CRACD: variants seen among roughly 807,000 people sequenced by gnomAD.
CRACD encodes the protein capping protein inhibiting regulator of actin dynamics, also known as capping protein-inhibiting regulator of actin dynamics.
CRACD carries 56 observed loss-of-function variants against 106.8 expected under a neutral mutation model. The ratio of observed to expected loss-of-function variants is 0.52; its 90% CI spans 0.42 to 0.66. The LOEUF (loss-of-function observed/expected upper bound fraction) is 0.66. Ranked by LOEUF, CRACD falls within the 30% of genes least tolerant of loss-of-function variation. The pLI is 0.00. For missense variants in CRACD, 1,730 were observed against 1,623.2 expected, an observed-to-expected ratio of 1.07 and a Z score of -1.13; for synonymous variants, 754 against 670.8, an observed-to-expected ratio of 1.12 and a Z score of -1.92.
chr4:56,094,171 T>A (rs751833839), intron 1 of CRACD, among the ~76,000 whole-genome samples: 11 of 152,230 alleles, frequency 7.2e-5, no homozygotes, highest in Non-Finnish European at 1.3e-4. Context: ...CTATTCAAGA[T>A]GCAATGAAAA....
intron 1 of CRACD, among the ~76,000 whole-genome samples, chr4:56,139,484 C>G (rs1047357975): frequency 2.6e-5 from 4 of 152,188 alleles, no homozygotes; most frequent in African/African-American, 4.8e-5. Flanking sequence ...TTAAACCTTG[C>G]AACTGGCAAG....
intron 2 of CRACD, among the ~76,000 whole-genome samples, chr4:56,232,455 T>A (rs2169919): frequency 0.21 from 31,358 of 152,030 alleles, 3,717 homozygotes; most frequent in Non-Finnish European, 0.27. Context: ...TCTAGATGTC[T>A]TTCATTTTTG....
Position 56,072,018 on chromosome 4 carries a change from C to T in CRACD, c.-336+22719C>T, listed in dbSNP as rs529275817. On this transcript the variant is annotated intron_variant, in intron 1 of 10. Coordinates refer to ENST00000682029, the MANE Select transcript of CRACD (RefSeq NM_001393381.1). Reference sequence around the variant, plus strand: ...TGGCGGGCGCCTGTAGTCCCAGCTACGCGGGAGGCTGAGGCAGGAGAATGG... The same window carrying T: ...TGGCGGGCGCCTGTAGTCCCAGCTATGCGGGAGGCTGAGGCAGGAGAATGG... Among the ~76,000 whole-genome samples the T allele has an allele frequency of 7.1e-3, 1,079 of 151,262 alleles. 12 individuals carry two copies. The highest frequency in any genetic ancestry group is 0.024 in the African/African-American group (999 of 41,286).
chr4:56,208,704 C>G (rs1577741355), intron 2 of CRACD, among the ~76,000 whole-genome samples: 1 of 152,102 alleles, frequency 6.6e-6, no homozygotes, highest in South Asian at 2.1e-4. Flanking sequence ...GCTTCAGGGG[C>G]TCTCTGTAGT....
chr4:56,326,114 G>A lies in CRACD; in HGVS notation c.3542-1530G>A, dbSNP rs113090674. On this transcript the variant is annotated intron_variant, in intron 10 of 10. Transcript: ENST00000682029. ...TTTAGCAGAGACAGGGTTTCACCAT[G>A]TTGGCCAGGCTAATCTCGAACTCCT... Among the ~76,000 whole-genome samples the A allele has an allele frequency of 2.9e-4, 44 of 152,306 alleles. 1 individual carries two copies. The highest frequency in any genetic ancestry group is 9.4e-4 in the African/African-American group (39 of 41,572).
At chr4:56,108,557 A>G (rs1161450147) in intron 1 of CRACD, among the ~76,000 whole-genome samples, 1 of 152,134 alleles carries the variant, frequency 6.6e-6, no homozygotes, top group Non-Finnish European at 1.5e-5. Context: ...AAGAGAAAAC[A>G]ACTGGGCCCA....
chr4:56,252,409 C>T (rs1476675616), intron 2 of CRACD, among the ~76,000 whole-genome samples: 1 of 152,134 alleles, frequency 6.6e-6, no homozygotes, highest in Admixed American at 6.5e-5. Context: ...ATTAGGAAAA[C>T]TGTGAATTGT....
At chr4:56,072,127 CAAAA>C (rs531354263) in intron 1 of CRACD, among the ~76,000 whole-genome samples, 3 of 91,476 alleles carry the variant, frequency 3.3e-5, no homozygotes, top group Non-Finnish European at 4.4e-5. Flanking sequence ...GACTCCGTCT[CAAAA>C]AAAAAAAAAA....
intron 2 of CRACD, among the ~76,000 whole-genome samples, chr4:56,205,898 C>A (rs990503105): frequency 1.3e-5 from 2 of 152,126 alleles, no homozygotes; most frequent in Non-Finnish European, 1.5e-5. Flanking sequence ...CAGTATTCTA[C>A]CCATGGACTT....
At chr4:56,312,481 C>G (rs932978492) in intron 6 of CRACD, among the ~76,000 whole-genome samples, 1 of 152,142 alleles carries the variant, frequency 6.6e-6, no homozygotes, top group Non-Finnish European at 1.5e-5. Flanking sequence ...ACATTTTTGT[C>G]GATCAGGAAT....
chr4:56,160,791 G>T (rs1022411949), intron 1 of CRACD, among the ~76,000 whole-genome samples: 2 of 152,220 alleles, frequency 1.3e-5, no homozygotes, highest in Non-Finnish European at 2.9e-5. Context: ...GATAAACTCT[G>T]AGCCTGTTCA....
chr4:56,305,899 T>G (rs922872890), intron 4 of CRACD, among the ~76,000 whole-genome samples: 3 of 152,236 alleles, frequency 2.0e-5, no homozygotes, highest in African/African-American at 7.2e-5. Flanking sequence ...CAAGGGATTC[T>G]TGCGCCAGGG....
At chr4:56,133,901 A>G (rs2045982) in intron 1 of CRACD, among the ~76,000 whole-genome samples, 7,228 of 152,266 alleles carry the variant, frequency 0.047, 212 homozygotes, top group South Asian at 0.068. Context: ...GAAAGACTTC[A>G]TGAATAAGAA....
At chr4:56,093,576 C>G (rs1282728428) in intron 1 of CRACD, among the ~76,000 whole-genome samples, 1 of 152,166 alleles carries the variant, frequency 6.6e-6, no homozygotes, top group Non-Finnish European at 1.5e-5. Flanking sequence ...TAAAGGCTGT[C>G]ATCTTCTTCC....
At chr4:56,245,617 G>T (rs13123990) in intron 2 of CRACD, among the ~76,000 whole-genome samples, 39,402 of 152,078 alleles carry the variant, frequency 0.26, 5,862 homozygotes, top group Middle Eastern at 0.44. Context: ...AAGGAGTGTT[G>T]CACTATTTGT....
chr4:56,234,873 CAT>C (rs1344130990), intron 2 of CRACD, among the ~76,000 whole-genome samples: 2 of 152,072 alleles, frequency 1.3e-5, no homozygotes, highest in African/African-American at 4.8e-5. Flanking sequence ...AAGCTGAAAA[CAT>C]AGGCTTAGAA....
intron 1 of CRACD, among the ~76,000 whole-genome samples, chr4:56,057,814 G>GTTTTTTTTTTTTTT (rs1167413474): frequency 2.1e-4 from 14 of 67,322 alleles, no homozygotes; most frequent in East Asian, 3.8e-4. Context: ...TTTTTTTTTT[G>GTTTTTTTTTTTTTT]TTTTTTTTTT....
At chr4:56,143,601 T>A (rs1172060326) in intron 1 of CRACD, among the ~76,000 whole-genome samples, 1 of 152,166 alleles carries the variant, frequency 6.6e-6, no homozygotes, top group African/African-American at 2.4e-5. Context: ...CAAAATTATA[T>A]ATTTTTTCTT....
intron 1 of CRACD, among the ~76,000 whole-genome samples, chr4:56,082,122 C>A (rs1357728052): frequency 1.3e-5 from 2 of 152,124 alleles, no homozygotes; most frequent in South Asian, 4.1e-4. Flanking sequence ...GATAGAGTTG[C>A]CTCTAGAGAC....
Sources: allele counts gnomAD v4.1 joint callset (sites outside exome capture counted in the v4.1 genomes callset), GRCh38; gene constraint gnomAD v4.1.1; transcripts MANE v1.5; gene names NCBI Gene and HGNC (gene_info 2026-07-23, HGNC 2026-07-21).